The following EPB41 variants were observed in gnomAD, a reference collection of about 807,000 sequenced individuals.
The protein encoded by EPB41 is protein 4.1.
In EPB41, 65 loss-of-function variants were observed where a neutral mutation model predicts 108.0. The ratio of observed to expected loss-of-function variants is 0.60; its 90% confidence interval spans 0.49 to 0.74. The LOEUF (loss-of-function observed/expected upper bound fraction) is 0.74, where lower values mean the gene tolerates loss of function less well. Among genes scored for constraint, EPB41 ranks in the 30% least tolerant of loss-of-function variants. EPB41 has a pLI of 0.00. For synonymous variants in EPB41, 336 were observed against 358.9 expected (o/e 0.94, Z 0.72); for missense variants, 875 against 1,037.0 (o/e 0.84, Z 2.15).
At chr1:28,936,445 T>G (rs1047209072) in intron 1 of EPB41, among the ~76,000 whole-genome samples, 1 of 152,188 alleles carries the variant, frequency 6.6e-6, no homozygotes, top group Admixed American at 6.5e-5. Flanking sequence ...AAATTTACCA[T>G]TTTCAAATGT....
At chr1:29,089,637 CAA>C (rs1206713042) in intron 16 of EPB41, among the ~76,000 whole-genome samples, 1 of 152,076 alleles carries the variant, frequency 6.6e-6, no homozygotes, top group African/African-American at 2.4e-5. Flanking sequence ...ATAAGATTTA[CAA>C]AGGCACAGAG....
intron 4 of EPB41, among the ~76,000 whole-genome samples, chr1:29,010,124 G>T (rs2096475111): frequency 6.6e-6 from 1 of 152,060 alleles, no homozygotes; most frequent in Non-Finnish European, 1.5e-5. Context: ...ATCACTTGAG[G>T]CCAGGAGTTC....
At chr1:28,895,426 C>T (rs1206469001) in intron 1 of EPB41, among the ~76,000 whole-genome samples, 1 of 152,114 alleles carries the variant, frequency 6.6e-6, no homozygotes, top group Non-Finnish European at 1.5e-5. Flanking sequence ...ACCCAGAATC[C>T]CACAGTTCTT....
At chr1:28,928,434 G>A (rs1014452461) in intron 1 of EPB41, among the ~76,000 whole-genome samples, 24 of 152,090 alleles carry the variant, frequency 1.6e-4, no homozygotes, top group African/African-American at 5.1e-4. Context: ...AGTTACCCAC[G>A]GAATATCTAA....
Position 29,115,539 on chromosome 1 carries a change from G to A in EPB41, c.2497-160G>A, listed in dbSNP as rs1262962341. 3.3e-5 allele frequency among the ~76,000 whole-genome samples: 5 copies of A among 152,202 alleles called. No homozygotes were observed. Among genetic ancestry groups the A allele is most frequent in the African/African-American group, 1.2e-4 (5 of 41,456 alleles). ...CCAGAAGCCTCCCTATGCAGGATAG[G>A]GTGGGTAAGGTAATTATCAGCTTGG... is the stretch of plus-strand genomic sequence containing the variant. On this transcript the variant is annotated intron_variant, in intron 19 of 20. Transcript: ENST00000343067. The surrounding 1 kb of genome is among the most constrained non-coding windows in gnomAD (Gnocchi z 4.4).
At chr1:29,028,217 A>G (rs887171003) in intron 7 of EPB41, among the ~76,000 whole-genome samples, 1 of 152,182 alleles carries the variant, frequency 6.6e-6, no homozygotes, top group Non-Finnish European at 1.5e-5. Context: ...GATTGACCCT[A>G]TTAATGTCCC....
intron 1 of EPB41, among the ~76,000 whole-genome samples, chr1:28,904,741 T>A (rs534727491): frequency 1.3e-5 from 2 of 151,756 alleles, no homozygotes; most frequent in East Asian, 3.9e-4. Context: ...CTACTAAAAA[T>A]ACAAAAAATT....
At chr1:29,085,346 T>C (rs532950750) in intron 16 of EPB41, among the ~76,000 whole-genome samples, 35 of 152,100 alleles carry the variant, frequency 2.3e-4, no homozygotes, top group Non-Finnish European at 4.7e-4. Flanking sequence ...GGTTTCACCA[T>C]GTTGGCCAGG....
intron 8 of EPB41, among the ~76,000 whole-genome samples, chr1:29,031,088 C>T (rs1195013670): frequency 6.6e-6 from 1 of 152,116 alleles, no homozygotes; most frequent in African/African-American, 2.4e-5. Flanking sequence ...GGATTACAGG[C>T]GTGAGCCACC....
rs1421334972 is a variant in EPB41 at position 28,987,938 on chromosome 1, G to A, written c.468+33G>A. 2.5e-6 allele frequency: 4 copies of A among 1,603,408 alleles called. No homozygotes were observed. In the East Asian group the frequency reaches 8.9e-5, roughly 36 times the overall value. On this transcript the variant is annotated intron_variant, in intron 2 of 20. Coordinates refer to ENST00000343067, the MANE Select transcript of EPB41 (RefSeq NM_001376013.1). ...TGTGTGGATATGGGAGGTGGGCAAA[G>A]GAAGGCAGGTTATACACTTTATTTT... is the stretch of plus-strand genomic sequence containing the variant.
intron 15 of EPB41, among the ~76,000 whole-genome samples, chr1:29,061,860 A>G (rs1162395920): frequency 1.3e-5 from 2 of 152,058 alleles, no homozygotes; most frequent in Non-Finnish European, 2.9e-5. Context: ...GGTTACAGGC[A>G]TGAGCCACTG....
chr1:28,977,856 T>G (rs1050110736), intron 1 of EPB41, among the ~76,000 whole-genome samples: 1 of 146,584 alleles, frequency 6.8e-6, no homozygotes, highest in South Asian at 2.3e-4. Context: ...ATCCATAGGG[T>G]TTTTTTTTCT....
In EPB41 at chr1:29,011,838, T is replaced by C; in HGVS notation, c.787-27T>C. On this transcript the variant is annotated intron_variant, in intron 4 of 20. Coordinates refer to ENST00000343067, the MANE Select transcript of EPB41 (RefSeq NM_001376013.1). Reference sequence around the variant, plus strand: ...GTTGTTTATGTGTTTTGGAGCTCTGTGTGAATGCCTTTTCTCCTTTTTACA... The same window carrying C: ...GTTGTTTATGTGTTTTGGAGCTCTGCGTGAATGCCTTTTCTCCTTTTTACA... 2.5e-6 allele frequency: 4 copies of C among 1,613,912 alleles called. No individual in the cohort carries two copies. The South Asian group carries it at 4.4e-5, about 18-fold the overall frequency.
intron 1 of EPB41, among the ~76,000 whole-genome samples, chr1:28,898,807 T>C (rs2090986145): frequency 6.6e-6 from 1 of 152,196 alleles, no homozygotes; most frequent in South Asian, 2.1e-4. Context: ...CCCCCTGCAC[T>C]AGATGCCCTG....
upstream of EPB41, among the ~76,000 whole-genome samples, chr1:28,914,353 T>A (rs2092418445): frequency 6.6e-6 from 1 of 152,168 alleles, no homozygotes; most frequent in African/African-American, 2.4e-5. Flanking sequence ...TCCTCTCTCT[T>A]TTTCGTTCCC....
chr1:29,082,775 G>A (rs1657264245), intron 16 of EPB41, among the ~76,000 whole-genome samples: 1 of 152,052 alleles, frequency 6.6e-6, no homozygotes, highest in Admixed American at 6.6e-5. Flanking sequence ...CAGTGTAAAG[G>A]CAAAATTTTC....
intron 1 of EPB41, among the ~76,000 whole-genome samples, chr1:28,936,879 A>G (rs2094052872): frequency 6.6e-6 from 1 of 152,210 alleles, no homozygotes; most frequent in Admixed American, 6.5e-5. Context: ...GAACATTCAT[A>G]AACAAGTTTT....
rs556756735 is a variant in EPB41 at position 28,982,357 on chromosome 1, C to T, written c.-7-5074C>T. ...TTCAAACTTGACCTTGGCCTCTCGT[C>T]GGGCTTTGGGCATTAGGTGATTGTA... On this transcript the variant is annotated intron_variant, in intron 1 of 20. Transcript: ENST00000343067. The T allele has an allele frequency of 1.4e-4, 96 of 688,552 alleles. No individual in the cohort carries two copies. The East Asian group carries it at 2.7e-3, about 19-fold the overall frequency. The allele number at this position is 688,552 out of a possible 1,614,324, so 42.7% of individuals were successfully genotyped here.
chr1:28,909,245 T>C (rs1428494705), intron 1 of EPB41, among the ~76,000 whole-genome samples: 1 of 152,014 alleles, frequency 6.6e-6, no homozygotes, highest in Non-Finnish European at 1.5e-5. Flanking sequence ...TTGTTCACAT[T>C]TGATCATTTT....
Sources: gnomAD v4.1 joint callset for allele counts (sites outside exome capture counted in the v4.1 genomes callset) on GRCh38, gnomAD v4.1.1 for gene constraint, Gnocchi (gnomAD v3.1) non-coding constraint, MANE v1.5 for transcripts, NCBI Gene and HGNC (gene_info 2026-07-23, HGNC 2026-07-21) for gene names.